Variants in NRXN1 observed in about 807,000 individuals in gnomAD.
NRXN1 encodes the protein neurexin 1.
NRXN1 carries 39 observed loss-of-function variants against 150.9 expected under a neutral mutation model. The observed-to-expected ratio is 0.26, with a 90% CI of 0.20 to 0.34. The LOEUF is 0.34. Among genes scored for constraint, NRXN1 ranks in the 10% least tolerant of loss-of-function variants. The pLI, the probability that NRXN1 is intolerant of heterozygous loss-of-function variation, is 1.00. For missense variants in NRXN1, 1,815 were observed against 1,949.9 expected (o/e 0.93, Z 1.30); for synonymous variants, 924 against 757.0 (o/e 1.22, Z -3.62).
In NRXN1 at chr2:49,969,530, T is replaced by C. The variant is rs185330362; in HGVS notation, c.4129-25739A>G. ...ATAATGGCAGCCTTAGTTTTATATATGTAATTACACCTTATTATAAATACA... is the reference window on the plus strand; with the variant it reads ...ATAATGGCAGCCTTAGTTTTATATACGTAATTACACCTTATTATAAATACA... On this transcript the variant is annotated intron_variant, in intron 21 of 22. Coordinates refer to ENST00000401669, the MANE Select transcript of NRXN1 (RefSeq NM_001330078.2). Among the ~76,000 whole-genome samples the C allele has an allele frequency of 1.0e-3, 152 of 149,980 alleles. 1 individual carries two copies. The highest frequency in any genetic ancestry group is 2.1e-3 in the Admixed American group (32 of 15,212).
chr2:50,814,877 CA>C (rs1272087889), intron 5 of NRXN1, among the ~76,000 whole-genome samples: 1 of 152,040 alleles, frequency 6.6e-6, no homozygotes, highest in East Asian at 1.9e-4. Context: ...CTGTTTGATT[CA>C]ATTGTTTACC....
intron 5 of NRXN1, among the ~76,000 whole-genome samples, chr2:50,827,039 A>T (rs910081368): frequency 6.6e-6 from 1 of 152,172 alleles, no homozygotes. Flanking sequence ...CACAGCAGAA[A>T]GTGTTTGAAG....
At chr2:50,839,580 C>A (rs994549261) in intron 5 of NRXN1, among the ~76,000 whole-genome samples, 2 of 152,084 alleles carry the variant, frequency 1.3e-5, no homozygotes, top group Non-Finnish European at 2.9e-5. Context: ...ATCTTTGCAT[C>A]TCTAGCATCT....
Position 50,589,507 on chromosome 2 carries a change from C to CAT in NRXN1, c.1320+30514_1320+30515insAT, listed in dbSNP as rs1477705598. 2.9e-3 allele frequency: 340 copies of CAT among 117,996 alleles called. 2 individuals carry two copies. Among genetic ancestry groups the CAT allele is most frequent in the Non-Finnish European group, 4.6e-3 (249 of 54,562 alleles). The allele number at this position is 117,996 out of a possible 1,614,324, so 7.3% of individuals were successfully genotyped here. On this transcript the variant is annotated intron_variant, in intron 8 of 22. Transcript: ENST00000401669. The stretch of plus-strand genomic sequence containing the variant: ...GAGTAGCTAGGACCACAGGTGTGAA[C>CAT]CACCATGCCTGGCTAATTTTTGTAT...
chr2:50,735,739 C>T (rs1001894189), intron 5 of NRXN1, among the ~76,000 whole-genome samples: 23 of 152,166 alleles, frequency 1.5e-4, no homozygotes, highest in Admixed American at 1.4e-3. Flanking sequence ...TTCTTAGGTC[C>T]AGATCCACAT....
intron 17 of NRXN1, among the ~76,000 whole-genome samples, chr2:50,254,341 T>C (rs189510912): frequency 6.6e-6 from 1 of 151,916 alleles, no homozygotes; most frequent in Admixed American, 6.6e-5. Context: ...CTATCTGTCT[T>C]ATTATTTTTT....
chr2:50,768,517 G>C (rs1702621426), intron 5 of NRXN1, among the ~76,000 whole-genome samples: 1 of 151,510 alleles, frequency 6.6e-6, no homozygotes, highest in African/African-American at 2.4e-5. Context: ...ATGTTGCAGA[G>C]GCTGGTCCTG....
At chr2:50,800,787 T>A (rs868157697) in intron 5 of NRXN1, among the ~76,000 whole-genome samples, 2 of 152,152 alleles carry the variant, frequency 1.3e-5, no homozygotes, top group African/African-American at 4.8e-5. Flanking sequence ...TGACTTTAGG[T>A]GATCCATCCG....
At chr2:50,167,389 T>C (rs1248532286) in intron 18 of NRXN1, among the ~76,000 whole-genome samples, 2 of 152,142 alleles carry the variant, frequency 1.3e-5, no homozygotes, top group Admixed American at 6.5e-5. Context: ...GGCCATTTCA[T>C]CTTGTCCTGC....
intron 19 of NRXN1, among the ~76,000 whole-genome samples, chr2:50,072,309 A>T (rs780193316): frequency 2.0e-5 from 3 of 152,196 alleles, no homozygotes; most frequent in Non-Finnish European, 4.4e-5. Flanking sequence ...ACAAACAATA[A>T]AAGCAACTCT....
At chr2:50,091,702 C>A (rs961114144) in intron 18 of NRXN1, among the ~76,000 whole-genome samples, 4 of 152,088 alleles carry the variant, frequency 2.6e-5, no homozygotes, top group Non-Finnish European at 4.4e-5. Flanking sequence ...ATTGATATTC[C>A]AAAAGGCACA....
chr2:50,006,118 C>A (rs1684716408), intron 21 of NRXN1, among the ~76,000 whole-genome samples: 1 of 152,108 alleles, frequency 6.6e-6, no homozygotes, highest in African/African-American at 2.4e-5. Context: ...TCAGCTTGTT[C>A]CCTTTCTCTT....
chr2:49,925,636 C>A (rs1442718809), intron 22 of NRXN1, among the ~76,000 whole-genome samples: 1 of 152,064 alleles, frequency 6.6e-6, no homozygotes, highest in South Asian at 2.1e-4. Flanking sequence ...ATTTTGCATT[C>A]CCTCTACACT....
At chr2:50,854,203 CAG>C (rs1674931974) in intron 5 of NRXN1, among the ~76,000 whole-genome samples, 3 of 151,972 alleles carry the variant, frequency 2.0e-5, no homozygotes, top group Admixed American at 1.3e-4. Flanking sequence ...CCATGAAAAA[CAG>C]AATGGATTAA....
chr2:50,688,083 G>A (rs781537670), intron 5 of NRXN1, among the ~76,000 whole-genome samples: 81 of 152,288 alleles, frequency 5.3e-4, no homozygotes, highest in Non-Finnish European at 9.6e-4. Context: ...GGCTAGGTGA[G>A]ATAGAGGTAA....
At chr2:50,759,307 T>C (rs1701525280) in intron 5 of NRXN1, among the ~76,000 whole-genome samples, 1 of 151,814 alleles carries the variant, frequency 6.6e-6, no homozygotes, top group Admixed American at 6.6e-5. Context: ...AACTCAGAAA[T>C]GGGACTGATG....
chr2:50,371,364 T>C (rs2080014307), intron 17 of NRXN1, among the ~76,000 whole-genome samples: 1 of 152,068 alleles, frequency 6.6e-6, no homozygotes, highest in Non-Finnish European at 1.5e-5. Flanking sequence ...ATACTATCAA[T>C]GTTGAGAAAA....
intron 18 of NRXN1, among the ~76,000 whole-genome samples, chr2:50,202,860 T>C (rs1187034383): frequency 6.6e-6 from 1 of 151,848 alleles, no homozygotes; most frequent in Non-Finnish European, 1.5e-5. Context: ...TGATCCACAT[T>C]TTTTTTTGTT....
intron 17 of NRXN1, among the ~76,000 whole-genome samples, chr2:50,369,665 C>A (rs1318571448): frequency 3.3e-5 from 5 of 151,964 alleles, no homozygotes; most frequent in Non-Finnish European, 7.4e-5. Flanking sequence ...GTCTGAAACA[C>A]CTACATATCT....
Sources: allele counts gnomAD v4.1 joint callset (sites outside exome capture counted in the v4.1 genomes callset), GRCh38; gene constraint gnomAD v4.1.1; transcripts MANE v1.5; gene names NCBI Gene and HGNC (gene_info 2026-07-23, HGNC 2026-07-21).